CDKAL1: variants seen among roughly 807,000 people sequenced by gnomAD.
CDKAL1 encodes threonylcarbamoyladenosine tRNA methylthiotransferase.
A neutral mutation model predicts 68.2 loss-of-function variants in CDKAL1; 32 were observed. That is an observed-to-expected ratio of 0.47 (90% CI 0.35 to 0.63). The LOEUF (loss-of-function observed/expected upper bound fraction) is 0.63. Among genes scored for constraint, CDKAL1 ranks in the 30% least tolerant of loss-of-function variants. The pLI, the probability that CDKAL1 is intolerant of heterozygous loss-of-function variation, is 0.00. For synonymous variants in CDKAL1, 234 were observed against 244.3 expected (o/e 0.96, Z 0.39); for missense variants, 606 against 696.7 (o/e 0.87, Z 1.47).
chr6:21,091,157 G>A (rs562155558), intron 12 of CDKAL1, among the ~76,000 whole-genome samples: 2 of 152,240 alleles, frequency 1.3e-5, no homozygotes, highest in African/African-American at 4.8e-5. Context: ...TAGTTTCATT[G>A]TCTCTCAAAT....
chr6:21,051,173 T>A lies in CDKAL1; in HGVS notation c.1056-13875T>A, dbSNP rs946246488. On this transcript the variant is annotated intron_variant, in intron 11 of 15. Coordinates refer to ENST00000274695, the MANE Select transcript of CDKAL1 (RefSeq NM_017774.3). ...GAATTCAGGACAAGCTTGAGCAATG[T>A]CGTGAGATCTCATTGCAACAAAAAA... 7.9e-5 allele frequency among the ~76,000 whole-genome samples: 12 copies of A among 152,268 alleles called. 1 individual carries two copies. Among genetic ancestry groups the A allele is most frequent in the Admixed American group, 7.2e-4 (11 of 15,284 alleles).
chr6:20,803,740 A>T (rs927082090), intron 8 of CDKAL1, among the ~76,000 whole-genome samples: 1 of 152,118 alleles, frequency 6.6e-6, no homozygotes, highest in African/African-American at 2.4e-5. Flanking sequence ...AGGGGAGCTG[A>T]TGTTATTCTT....
chr6:20,890,085 AT>A (rs1273714990), intron 9 of CDKAL1, among the ~76,000 whole-genome samples: 1 of 152,174 alleles, frequency 6.6e-6, no homozygotes, highest in Non-Finnish European at 1.5e-5. Flanking sequence ...TTTCCATCAA[AT>A]AAAAACTTCT....
intron 10 of CDKAL1, among the ~76,000 whole-genome samples, chr6:20,997,132 A>G (rs1168576650): frequency 6.6e-6 from 1 of 152,232 alleles, no homozygotes; most frequent in Non-Finnish European, 1.5e-5. Flanking sequence ...AGAGTAAAAT[A>G]TAATTTCTGG....
intron 8 of CDKAL1, among the ~76,000 whole-genome samples, chr6:20,820,547 CT>C (rs1463139913): frequency 6.6e-6 from 1 of 152,152 alleles, no homozygotes; most frequent in Non-Finnish European, 1.5e-5. Context: ...GCGATTTACC[CT>C]GTCCATGTGC....
chr6:20,834,076 G>A (rs913690731), intron 8 of CDKAL1, among the ~76,000 whole-genome samples: 1 of 152,192 alleles, frequency 6.6e-6, no homozygotes, highest in Admixed American at 6.5e-5. Flanking sequence ...AGGTTTTTGT[G>A]GTTTCTTTGG....
chr6:20,620,939 C>T (rs1767164392), intron 4 of CDKAL1, among the ~76,000 whole-genome samples: 1 of 151,980 alleles, frequency 6.6e-6, no homozygotes, highest in African/African-American at 2.4e-5. Flanking sequence ...TTGTTTTTAT[C>T]TAATGTCCCT....
At chr6:20,749,917 G>C (rs1342322350) in intron 6 of CDKAL1, among the ~76,000 whole-genome samples, 1 of 151,304 alleles carries the variant, frequency 6.6e-6, no homozygotes, top group African/African-American at 2.4e-5. Context: ...TGTTGTCCAG[G>C]GTGGTTTCAA....
At chr6:21,107,040 C>T (rs1182863327) in intron 12 of CDKAL1, among the ~76,000 whole-genome samples, 1 of 151,544 alleles carries the variant, frequency 6.6e-6, no homozygotes, top group African/African-American at 2.4e-5. Flanking sequence ...CTCCGCCTCC[C>T]GGGTTCACGC....
At chr6:20,560,452 T>C (rs967558637) in intron 4 of CDKAL1, among the ~76,000 whole-genome samples, 6 of 152,178 alleles carry the variant, frequency 3.9e-5, no homozygotes, top group Admixed American at 3.3e-4. Flanking sequence ...GTGCTTGTCC[T>C]AGAATCTGGT....
At chr6:20,595,578 T>C (rs929315739) in intron 4 of CDKAL1, among the ~76,000 whole-genome samples, 1 of 152,068 alleles carries the variant, frequency 6.6e-6, no homozygotes, top group African/African-American at 2.4e-5. Flanking sequence ...TCCTCTCACC[T>C]TTTTTCAGGG....
chr6:20,698,759 T>C (rs114393071), intron 5 of CDKAL1, among the ~76,000 whole-genome samples: 1 of 152,308 alleles, frequency 6.6e-6, no homozygotes, highest in Non-Finnish European at 1.5e-5. Context: ...GAAGGTAAAA[T>C]TTAAAGGAGT....
At chr6:20,760,654 C>A (rs2150351602) in intron 7 of CDKAL1, among the ~76,000 whole-genome samples, 1 of 152,340 alleles carries the variant, frequency 6.6e-6, no homozygotes, top group Non-Finnish European at 1.5e-5. Context: ...TCTTTGCTCT[C>A]TCACAGTTGA....
At chr6:20,616,773 G>A (rs1296451638) in intron 4 of CDKAL1, among the ~76,000 whole-genome samples, 1 of 151,046 alleles carries the variant, frequency 6.6e-6, no homozygotes, top group African/African-American at 2.4e-5. Context: ...GGAGGCTGAG[G>A]TGGGCAGATC....
At chr6:20,780,907 C>T (rs181055478) in intron 7 of CDKAL1, among the ~76,000 whole-genome samples, 58 of 152,216 alleles carry the variant, frequency 3.8e-4, no homozygotes, top group African/African-American at 1.3e-3. Context: ...CTCCTGACCT[C>T]AGGTGATCCA....
At chr6:20,601,617 C>T (rs1186111500) in intron 4 of CDKAL1, among the ~76,000 whole-genome samples, 2 of 152,116 alleles carry the variant, frequency 1.3e-5, no homozygotes, top group Admixed American at 6.5e-5. Context: ...ATGAGATGAG[C>T]AAGAATCTGG....
intron 8 of CDKAL1, among the ~76,000 whole-genome samples, chr6:20,782,790 C>T (rs565322206): frequency 6.6e-6 from 1 of 152,190 alleles, no homozygotes; most frequent in Admixed American, 6.5e-5. Context: ...TATTTATTGA[C>T]TGAATGAATG....
At position 20,570,785 on chromosome 6, in the gene CDKAL1, T is replaced by C. The variant is rs373853784; in HGVS notation, c.286+22080T>C. Among the ~76,000 whole-genome samples the C allele has an allele frequency of 1.2e-4, 18 of 152,178 alleles. No homozygotes were observed. In the East Asian group the frequency reaches 2.3e-3, roughly 20 times the overall value. ...AGAAGGAAAATCCTGAATTCCTAGATATCAAGGGATGGTTAGAGAACCCCC... is the reference window on the plus strand; with the variant it reads ...AGAAGGAAAATCCTGAATTCCTAGACATCAAGGGATGGTTAGAGAACCCCC... On this transcript the variant is annotated intron_variant, in intron 4 of 15. Transcript: ENST00000274695.
intron 13 of CDKAL1, among the ~76,000 whole-genome samples, chr6:21,152,252 G>A (rs1776445812): frequency 6.6e-6 from 1 of 152,110 alleles, no homozygotes. Flanking sequence ...AATCCCACCA[G>A]TTGTTCCCCA....
Sources: allele counts gnomAD v4.1 joint callset (sites outside exome capture counted in the v4.1 genomes callset), GRCh38; gene constraint gnomAD v4.1.1; transcripts MANE v1.5; gene names NCBI Gene and HGNC (gene_info 2026-07-23, HGNC 2026-07-21).